The following MED27 variants were observed in gnomAD, a reference collection of about 807,000 sequenced individuals.
MED27 encodes mediator of RNA polymerase II transcription subunit 27.
MED27 carries 30 observed loss-of-function variants against 38.2 expected under a neutral mutation model. That is an observed-to-expected ratio of 0.79 (90% CI 0.59 to 1.07). MED27 has a LOEUF of 1.07. Ranked by LOEUF, MED27 falls within the 50% of genes least tolerant of loss-of-function variation. The pLI, the probability that MED27 is intolerant of heterozygous loss-of-function variation, is 0.00. For synonymous variants in MED27, 122 were observed against 153.5 expected, an observed-to-expected ratio of 0.79 and a Z score of 1.52; for missense variants, 289 against 397.5, an observed-to-expected ratio of 0.73 and a Z score of 2.32.
intron 4 of MED27, among the ~76,000 whole-genome samples, chr9:131,897,290 A>AT (rs1829847624): frequency 6.6e-6 from 1 of 152,264 alleles, no homozygotes; most frequent in Non-Finnish European, 1.5e-5. Flanking sequence ...TTGCAAAGTC[A>AT]TAACTACTGT....
chr9:131,896,835 G>A (rs1350251833), intron 4 of MED27, among the ~76,000 whole-genome samples: 2 of 152,140 alleles, frequency 1.3e-5, no homozygotes, highest in African/African-American at 2.4e-5. Flanking sequence ...GGGTTCAAGC[G>A]ATTTTCCTGC....
rs1564297044 is a variant in MED27, at chr9:131,952,734, G to A, written c.480-13260C>T. Among the ~76,000 whole-genome samples, 5 of 152,172 alleles carry A rather than the reference G, an allele frequency of 3.3e-5. No homozygotes were observed. The South Asian group carries it at 1.0e-3, about 32-fold the overall frequency. On this transcript the variant is annotated intron_variant, in intron 3 of 7. Transcript: ENST00000292035. ...TAGCTCTGTCAGGATCCCTCTCCAC[G>A]CAGCTCTCTCTCTCACTCTGGGCTG...
intron 3 of MED27, among the ~76,000 whole-genome samples, chr9:132,000,053 AC>A (rs1307745194): frequency 3.3e-5 from 5 of 151,268 alleles, no homozygotes; most frequent in Non-Finnish European, 5.9e-5. Context: ...AATTCTGAAA[AC>A]CTGTATTTCT....
chr9:131,982,700 G>C lies in MED27; in HGVS notation c.479+31637C>G, dbSNP rs1831762953. On this transcript the variant is annotated intron_variant, in intron 3 of 7. Coordinates refer to ENST00000292035, the MANE Select transcript of MED27 (RefSeq NM_004269.4). The surrounding 1 kb of genome is among the most constrained non-coding windows in gnomAD (Gnocchi z 4.3). ...ACACTAGAGGTGGTCCTCTAAATTG[G>C]GGACCAACAAACATCTTCTTGAAGG... Among the ~76,000 whole-genome samples, 2 of 152,118 alleles carry C rather than the reference G, an allele frequency of 1.3e-5. No homozygotes were observed. The highest frequency in any genetic ancestry group is 6.5e-5 in the Admixed American group (1 of 15,276).
At chr9:131,881,912 C>A (rs376587777) in intron 6 of MED27, among the ~76,000 whole-genome samples, 1 of 151,174 alleles carries the variant, frequency 6.6e-6, no homozygotes, top group African/African-American at 2.4e-5. Flanking sequence ...CCCGCCACCA[C>A]GCCTGGCTGA....
intron 3 of MED27, among the ~76,000 whole-genome samples, chr9:131,969,008 T>A (rs921150123): frequency 1.3e-5 from 2 of 152,186 alleles, no homozygotes; most frequent in Non-Finnish European, 2.9e-5. Flanking sequence ...CAGCCCTAGA[T>A]GGGACTGTCT....
intron 4 of MED27, among the ~76,000 whole-genome samples, chr9:131,928,347 T>G (rs1471901493): frequency 6.6e-6 from 1 of 151,932 alleles, no homozygotes; most frequent in Non-Finnish European, 1.5e-5. Context: ...CCATCCCCCC[T>G]GCAGGAACAC....
chr9:131,870,842 C>T (rs1045726122), intron 6 of MED27, among the ~76,000 whole-genome samples: 1 of 152,194 alleles, frequency 6.6e-6, no homozygotes, highest in Non-Finnish European at 1.5e-5. Flanking sequence ...TGGCTCCCTG[C>T]TATGTGCTGG....
chr9:131,864,892 C>T (rs558685347), intron 6 of MED27, among the ~76,000 whole-genome samples: 1 of 152,360 alleles, frequency 6.6e-6, no homozygotes, highest in East Asian at 1.9e-4. Flanking sequence ...GTGGGAAGCA[C>T]TCACTCTCTG....
intron 2 of MED27, among the ~76,000 whole-genome samples, chr9:132,066,585 C>A (rs2131158086): frequency 6.6e-6 from 1 of 152,354 alleles, no homozygotes; most frequent in East Asian, 1.9e-4. Flanking sequence ...TGAGCCAAGA[C>A]CCTGGCCAGG....
chr9:131,998,646 T>G (rs1276853730), intron 3 of MED27, among the ~76,000 whole-genome samples: 1 of 152,174 alleles, frequency 6.6e-6, no homozygotes, highest in African/African-American at 2.4e-5. Context: ...TAGGAGACCT[T>G]TAAATTCTAA....
chr9:131,996,401 G>A (rs1832091231), intron 3 of MED27, among the ~76,000 whole-genome samples: 2 of 152,186 alleles, frequency 1.3e-5, no homozygotes, highest in African/African-American at 4.8e-5. Context: ...TCACAGCTAA[G>A]GGTGAGCCAA....
rs769035955 is a variant in MED27, at chr9:131,917,706, T to C, written c.573+21675A>G. On this transcript the variant is annotated intron_variant, in intron 4 of 7. Transcript: ENST00000292035. The surrounding 1 kb of genome is among the most constrained non-coding windows in gnomAD (Gnocchi z 4.6). ...GGGTTATCTTTCACATAGTATTTGA[T>C]CAATAAGCATTTGTTACAAGAATGG... 7.2e-5 allele frequency among the ~76,000 whole-genome samples: 11 copies of C among 152,152 alleles called. No homozygotes were observed. The highest frequency in any genetic ancestry group is 1.6e-4 in the Non-Finnish European group (11 of 68,026).
intron 6 of MED27, among the ~76,000 whole-genome samples, chr9:131,882,127 A>C (rs1328318465): frequency 6.6e-6 from 1 of 152,098 alleles, no homozygotes; most frequent in Non-Finnish European, 1.5e-5. Context: ...TCAGATCATG[A>C]ATCTGTAATG....
chr9:131,869,145 GA>G, intron 6 of MED27: 3 of 985,380 alleles, frequency 3.0e-6, no homozygotes, highest in Non-Finnish European at 3.6e-6. Flanking sequence ...ACCAATTACA[GA>G]AATATTTTAA....
intron 4 of MED27, among the ~76,000 whole-genome samples, chr9:131,903,585 C>T (rs1388844931): frequency 6.6e-6 from 1 of 152,202 alleles, no homozygotes; most frequent in Admixed American, 6.5e-5. Context: ...AGGCGGCCCA[C>T]ATGCACCTGG....
At chr9:132,035,387 G>C (rs755516350) in intron 2 of MED27, among the ~76,000 whole-genome samples, 6 of 152,190 alleles carry the variant, frequency 3.9e-5, no homozygotes, top group Non-Finnish European at 8.8e-5. Context: ...TGCTTGTGGA[G>C]AGTACACTCT....
intron 3 of MED27, among the ~76,000 whole-genome samples, chr9:131,957,854 G>A (rs1831135768): frequency 6.6e-6 from 1 of 150,504 alleles, no homozygotes; most frequent in South Asian, 2.1e-4. Flanking sequence ...CAAGGTGGGA[G>A]GATTGCTTGA....
intron 3 of MED27, among the ~76,000 whole-genome samples, chr9:131,966,405 A>G (rs1274639819): frequency 6.8e-6 from 1 of 147,966 alleles, no homozygotes; most frequent in East Asian, 2.0e-4. Context: ...AAAAAAGGAA[A>G]GGAAAGGGAA....
Sources: gnomAD v4.1 joint callset for allele counts (sites outside exome capture counted in the v4.1 genomes callset) on GRCh38, gnomAD v4.1.1 for gene constraint, Gnocchi (gnomAD v3.1) non-coding constraint, MANE v1.5 for transcripts, NCBI Gene and HGNC (gene_info 2026-07-23, HGNC 2026-07-21) for gene names.